RAPH1: variants seen among roughly 807,000 people sequenced by gnomAD.
RAPH1 encodes the protein Ras association (RalGDS/AF-6) and pleckstrin homology domains 1.
Under a neutral mutation model 88.1 loss-of-function variants are expected in RAPH1, and 18 were observed. That is an observed-to-expected ratio of 0.20 (90% CI 0.14 to 0.30). RAPH1 has a LOEUF of 0.30. Among genes scored for constraint, RAPH1 ranks in the 10% least tolerant of loss-of-function variants. RAPH1 has a pLI of 1.00. For missense variants in RAPH1, 1,448 were observed against 1,543.2 expected, an observed-to-expected ratio of 0.94 and a Z score of 1.03; for synonymous variants, 587 against 559.0, an observed-to-expected ratio of 1.05 and a Z score of -0.71.
chr2:203,465,621 C>T (rs1285092441), intron 4 of RAPH1, among the ~76,000 whole-genome samples: 1 of 152,208 alleles, frequency 6.6e-6, no homozygotes, highest in Non-Finnish European at 1.5e-5. Context: ...GGCATGGTGG[C>T]CCATGCCTGT....
chr2:203,442,679 G>A (rs1310414000), intron 13 of RAPH1: 1 of 152,268 alleles, frequency 6.6e-6, no homozygotes, highest in Non-Finnish European at 1.5e-5. Context: ...TGAGACTGAG[G>A]TAACAGGAGA....
chr2:203,462,004 C>T, intron 4 of RAPH1, 79 bp from the exon 5 acceptor site: 1 of 1,122,280 alleles, frequency 8.9e-7, no homozygotes, highest in Non-Finnish European at 1.3e-6. Context: ...CTTAAGGATG[C>T]TCCCAGCAAT....
At position 203,448,082 on chromosome 2, in the gene RAPH1, AAAGAG is replaced by A. The variant is rs752249167; in HGVS notation, c.1513-8_1513-4del. Reference sequence around the variant, plus strand: ...TTCATATAGAGCTGCTTCCCATACTAAAGAGAAGACAGGAAATGGTGACATCTAAA... The same window carrying A: ...TTCATATAGAGCTGCTTCCCATACTAAAGACAGGAAATGGTGACATCTAAA... On this transcript the variant is annotated splice_polypyrimidine_tract_variant and splice_region_variant and intron_variant, in intron 11 of 13. Transcript: ENST00000319170. The surrounding 1 kb of genome is among the most constrained non-coding windows in gnomAD (Gnocchi z 4.1). The A allele has an allele frequency of 1.9e-6, 3 of 1,613,260 alleles. No individual in the cohort carries two copies. Among genetic ancestry groups the A allele is most frequent in the Non-Finnish European group, 2.5e-6 (3 of 1,179,542 alleles).
At chr2:203,449,276 G>C (rs2098512713) in intron 10 of RAPH1, among the ~76,000 whole-genome samples, 1 of 152,168 alleles carries the variant, frequency 6.6e-6, no homozygotes, top group South Asian at 2.1e-4. Context: ...TCAGTGTCTA[G>C]AGGTGAGGTG....
At chr2:203,495,385 G>T in intron 1 of RAPH1, 32 bp from the exon 2 acceptor site, 2 of 1,611,490 alleles carry the variant, frequency 1.2e-6, no homozygotes, top group Non-Finnish European at 1.7e-6. Context: ...AGAATGAATA[G>T]TAAGTTACAG....
chr2:203,523,197 T>C (rs1689968169), intron 1 of RAPH1, among the ~76,000 whole-genome samples: 1 of 151,846 alleles, frequency 6.6e-6, no homozygotes, highest in Admixed American at 6.6e-5. Context: ...ATCAAGACCA[T>C]CCTGGTTAAC....
At position 203,435,074 on chromosome 2, in the gene RAPH1, GCAAACCAA is replaced by G. The variant is rs1433208184; in HGVS notation, c.*4355_*4362del. On this transcript the variant is annotated 3_prime_UTR_variant, in exon 14 of 14. Transcript: ENST00000319170. Reference sequence around the variant, plus strand: ...GGTTTATTACTTCAACAAGCAAAGAGCAAACCAACTGGAGAAATGTATGTTTTTTCTTT... The same window carrying G: ...GGTTTATTACTTCAACAAGCAAAGAGCTGGAGAAATGTATGTTTTTTCTTT... The G allele has an allele frequency of 5.2e-5, 8 of 152,714 alleles. No homozygotes were observed. In the East Asian group the frequency reaches 1.5e-3, roughly 29 times the overall value. 9.5% of individuals were successfully genotyped at this position (152,714 alleles called of 1,614,324 possible).
intron 1 of RAPH1, among the ~76,000 whole-genome samples, chr2:203,534,746 G>A (rs547476243): frequency 7.5e-4 from 114 of 152,306 alleles, no homozygotes; most frequent in Middle Eastern, 3.4e-3. Flanking sequence ...CAGCTGGGCG[G>A]GGGAAAGTCC....
In RAPH1 at chr2:203,440,250, G is replaced by T. The variant is rs549179552; in HGVS notation, c.2940C>A (p.Ser980Arg). The change falls in exon 14 of 14, where the codon AGC (serine) becomes AGA (arginine). Residue 980 changes from serine (S) to arginine (R), a missense_variant. Physicochemically the swap from Ser to Arg is moderately radical, Grantham distance 110. Transcript: ENST00000319170. ...KPPPTPQRNS[S>R]IKSSSGAEHP... is the part of the protein sequence containing the mutation. ...GCTCTGCACCACTGCTGGATTTAAT[G>T]CTGGAGTTGCGCTGTGGGGTTGGGG... 1 of 1,614,002 alleles carries T rather than the reference G, an allele frequency of 6.2e-7. No individual in the cohort carries two copies. The highest frequency in any genetic ancestry group is 1.3e-5 in the African/African-American group (1 of 75,018).
At chr2:203,523,518 A>C (rs1345077695) in intron 1 of RAPH1, among the ~76,000 whole-genome samples, 1 of 152,130 alleles carries the variant, frequency 6.6e-6, no homozygotes, top group African/African-American at 2.4e-5. Flanking sequence ...ACAAAAATTA[A>C]TTCAAAATGG....
intron 1 of RAPH1, among the ~76,000 whole-genome samples, chr2:203,509,245 A>G (rs1475869262): frequency 6.6e-6 from 1 of 151,658 alleles, no homozygotes; most frequent in Non-Finnish European, 1.5e-5. Context: ...TAATTTTTGT[A>G]TTTTTATAGA....
At chr2:203,441,627 C>A in intron 13 of RAPH1, 1 of 1,346,380 alleles carries the variant, frequency 7.4e-7, no homozygotes, top group Non-Finnish European at 9.5e-7. Context: ...ACTTGTTTTA[C>A]CCCACAGTAA....
In RAPH1 at chr2:203,454,417, AAT is replaced by A. The variant is rs749098991; in HGVS notation, c.1413+11_1413+12del. On this transcript the variant is annotated intron_variant, in intron 10 of 13. Coordinates refer to ENST00000319170, the MANE Select transcript of RAPH1 (RefSeq NM_213589.3). ...ACATCAATTAAAATTCCTAAAAAGAAATATGTGTTTACCTTCAGCACCAGACA... is the reference window on the plus strand; with the variant it reads ...ACATCAATTAAAATTCCTAAAAAGAAATGTGTTTACCTTCAGCACCAGACA... 1 of 1,559,554 alleles carries A rather than the reference AAT, an allele frequency of 6.4e-7. No homozygotes were observed. The highest frequency in any genetic ancestry group is 2.2e-5 in the East Asian group (1 of 44,520).
At chr2:203,495,440 T>C (rs1420370696) in intron 1 of RAPH1, 87 bp from the exon 2 acceptor site, 4 of 1,308,224 alleles carry the variant, frequency 3.1e-6, no homozygotes, top group East Asian at 4.7e-5. Context: ...ATATATATTA[T>C]ATGCCTCTGA....
chr2:203,454,735 C>A lies in RAPH1; in HGVS notation c.1303-195G>T, dbSNP rs190381255. 1.1e-4 allele frequency among the ~76,000 whole-genome samples: 16 copies of A among 152,190 alleles called. No homozygotes were observed. In the East Asian group the frequency reaches 3.1e-3, roughly 29 times the overall value. ...TCATTAACGTAACAAAAAAGCAGCC[C>A]ATTTTACTTACTGTTTTGTCATTCA... On this transcript the variant is annotated intron_variant, in intron 9 of 13. Coordinates refer to ENST00000319170, the MANE Select transcript of RAPH1 (RefSeq NM_213589.3).
rs1462009830 is a variant in RAPH1, at chr2:203,433,928, C to T, written c.*5509G>A. 4.6e-5 allele frequency: 7 copies of T among 152,348 alleles called. No homozygotes were observed. Among genetic ancestry groups the T allele is most frequent in the Non-Finnish European group, 8.8e-5 (6 of 67,978 alleles). 9.4% of individuals were successfully genotyped at this position (152,348 alleles called of 1,614,324 possible). A position where few individuals can be genotyped will look rare whatever the true frequency, so the allele number is the denominator to read the frequency against. ...GTACGACTAGTGTGCTAAGCCATTA[C>T]AATAGTTTACTGACATAACTGGCAA... On this transcript the variant is annotated 3_prime_UTR_variant, in exon 14 of 14. Coordinates refer to ENST00000319170, the MANE Select transcript of RAPH1 (RefSeq NM_213589.3).
rs574529424 is a variant in RAPH1, at chr2:203,525,095, C to T, written c.-1+10016G>A. On this transcript the variant is annotated intron_variant, in intron 1 of 13. Coordinates refer to ENST00000319170, the MANE Select transcript of RAPH1 (RefSeq NM_213589.3). ...ATAAAAAGACTTGTGCAAAAATGTT[C>T]ATAACCATTTTCTTCAGAATAGTCC... Among the ~76,000 whole-genome samples, 3 of 152,340 alleles carry T rather than the reference C, an allele frequency of 2.0e-5. No individual in the cohort carries two copies. In the South Asian group the frequency reaches 6.2e-4, roughly 32 times the overall value.
intron 8 of RAPH1, among the ~76,000 whole-genome samples, chr2:203,456,841 T>G (rs980295919): frequency 1.3e-4 from 20 of 152,158 alleles, no homozygotes; most frequent in Non-Finnish European, 5.9e-5. Context: ...ATTTTAAAAA[T>G]TATTTAATTA....
intron 1 of RAPH1, among the ~76,000 whole-genome samples, chr2:203,503,351 C>T (rs753934559): frequency 3.3e-5 from 5 of 152,110 alleles, no homozygotes; most frequent in Admixed American, 2.0e-4. Context: ...TTTAACTGGA[C>T]GTACAGTTCC....
Sources: gnomAD v4.1 joint callset for allele counts (sites outside exome capture counted in the v4.1 genomes callset) on GRCh38, gnomAD v4.1.1 for gene constraint, Gnocchi (gnomAD v3.1) non-coding constraint, MANE v1.5 for transcripts, NCBI Gene and HGNC (gene_info 2026-07-23, HGNC 2026-07-21) for gene names.